Variants in MAP2 observed in about 807,000 individuals in gnomAD.
The protein encoded by MAP2 is microtubule-associated protein 2.
MAP2 carries 14 observed loss-of-function variants against 137.6 expected under a neutral mutation model. The observed-to-expected ratio is 0.10, with a 90% confidence interval of 0.07 to 0.16. MAP2 has a LOEUF of 0.16. Among genes scored for constraint, MAP2 ranks in the 10% least tolerant of loss-of-function variants. The pLI, the probability that MAP2 is intolerant of heterozygous loss-of-function variation, is 1.00. For synonymous variants in MAP2, 786 were observed against 782.3 expected, an observed-to-expected ratio of 1.00 and a Z score of -0.08; for missense variants, 2,088 against 2,191.5, an observed-to-expected ratio of 0.95 and a Z score of 0.94.
chr2:209,689,968 C>T (rs971785420), intron 7 of MAP2, among the ~76,000 whole-genome samples: 2 of 152,148 alleles, frequency 1.3e-5, no homozygotes, highest in South Asian at 2.1e-4. Flanking sequence ...TAGGTAGTCC[C>T]TTACCTTGGA....
At chr2:209,569,933 C>CT (rs1178221561) in intron 2 of MAP2, among the ~76,000 whole-genome samples, 1 of 151,742 alleles carries the variant, frequency 6.6e-6, no homozygotes. Context: ...CAGCAAAGTT[C>CT]TTTAAAAACC....
chr2:209,660,512 G>C (rs1286579763), intron 5 of MAP2, among the ~76,000 whole-genome samples: 2 of 138,982 alleles, frequency 1.4e-5, no homozygotes, highest in East Asian at 4.6e-4. Flanking sequence ...TCCCGCCTCA[G>C]CCTCCCAATA....
intron 13 of MAP2, among the ~76,000 whole-genome samples, chr2:209,723,098 G>A (rs1014903486): frequency 5.9e-5 from 9 of 152,240 alleles, no homozygotes; most frequent in Non-Finnish European, 1.2e-4. Context: ...TTCACCATGT[G>A]TGAGCCCCAT....
intron 1 of MAP2, among the ~76,000 whole-genome samples, chr2:209,495,600 C>T (rs562100514): frequency 3.6e-4 from 55 of 152,336 alleles, no homozygotes; most frequent in Admixed American, 3.5e-3. Context: ...AGGGACCTGA[C>T]TGTCAGAAGG....
intron 10 of MAP2, 151 bp downstream of exon 10, chr2:209,697,202 T>C: frequency 2.9e-6 from 2 of 694,948 alleles, no homozygotes; most frequent in Non-Finnish European, 4.5e-6. Context: ...TGTATCATTA[T>C]TCTTTTTTCC....
intron 1 of MAP2, among the ~76,000 whole-genome samples, chr2:209,471,146 A>G (rs191695310): frequency 6.6e-6 from 1 of 152,196 alleles, no homozygotes; most frequent in East Asian, 1.9e-4. Context: ...TTTACCTCAA[A>G]TACACCATGT....
chr2:209,496,843 T>A (rs1489319054), intron 1 of MAP2, among the ~76,000 whole-genome samples: 1 of 152,142 alleles, frequency 6.6e-6, no homozygotes, highest in African/African-American at 2.4e-5. Flanking sequence ...TTGCCAAGGG[T>A]GGATTTCAGT....
rs769825205 is a variant in MAP2, at chr2:209,695,291, G to T, written c.3121G>T (p.Ala1041Ser). 1 of 1,614,014 alleles carries T rather than the reference G, an allele frequency of 6.2e-7. No homozygotes were observed. Among genetic ancestry groups the T allele is most frequent in the Non-Finnish European group, 8.5e-7 (1 of 1,179,988 alleles). ...AAAGGTGGAACAAGGTCTGGATTTT[G>T]CTGTCCAGGGTCAACTAGATGTTAA... is the stretch of plus-strand genomic sequence containing the variant. ...SKKVEQGLDF[A>S]VQGQLDVKIS... is the part of the protein sequence containing the mutation. The change falls in exon 8 of 16, where the codon GCT (alanine) becomes TCT (serine). Residue 1041 changes from alanine to serine, a missense_variant. Physicochemically the swap from Ala to Ser is moderately conservative, Grantham distance 99. Around this residue, in one of 6 missense-constraint regions of MAP2, gnomAD observed 500 missense variants for 482.9 expected, o/e 1.04. Transcript: ENST00000682079.
At chr2:209,523,861 G>A (rs186417971) in intron 2 of MAP2, among the ~76,000 whole-genome samples, 7 of 152,142 alleles carry the variant, frequency 4.6e-5, no homozygotes, top group East Asian at 1.9e-4. Flanking sequence ...TTTGAAAAGC[G>A]ATGACTAACT....
intron 2 of MAP2, among the ~76,000 whole-genome samples, chr2:209,559,678 G>T (rs1465113091): frequency 4.6e-5 from 7 of 151,622 alleles, no homozygotes; most frequent in Non-Finnish European, 1.0e-4. Context: ...AACCAAATTT[G>T]GCCACTGGGA....
intron 2 of MAP2, among the ~76,000 whole-genome samples, chr2:209,514,953 T>C (rs1364287029): frequency 6.6e-6 from 1 of 152,176 alleles, no homozygotes; most frequent in Admixed American, 6.5e-5. Flanking sequence ...GCCTTCTGAG[T>C]CATTCATGTT....
In MAP2 at chr2:209,595,091, A is replaced by G. The variant is rs140081217; in HGVS notation, c.-107+14991A>G. Among the ~76,000 whole-genome samples the G allele has an allele frequency of 1.1e-3, 161 of 152,306 alleles. No individual in the cohort carries two copies. In the Middle Eastern group the frequency reaches 0.017, roughly 16 times the overall value. On this transcript the variant is annotated intron_variant, in intron 3 of 15. Coordinates refer to ENST00000682079, the MANE Select transcript of MAP2 (RefSeq NM_001375505.1). ...TGGTGGTAGCAGTATTAAAATAAGCAATTGCACATTGGTATATTTTTCACC... is the reference window on the plus strand; with the variant it reads ...TGGTGGTAGCAGTATTAAAATAAGCGATTGCACATTGGTATATTTTTCACC...
chr2:209,535,935 A>G (rs1667392294), intron 2 of MAP2, among the ~76,000 whole-genome samples: 1 of 152,188 alleles, frequency 6.6e-6, no homozygotes, highest in Admixed American at 6.5e-5. Flanking sequence ...ATTGTAGCTT[A>G]CTGAATAATT....
chr2:209,673,559 A>G (rs1220546602), intron 5 of MAP2, among the ~76,000 whole-genome samples: 2 of 151,860 alleles, frequency 1.3e-5, no homozygotes, highest in Non-Finnish European at 2.9e-5. Context: ...AAACTAAAAA[A>G]TGTCCAGTGC....
intron 5 of MAP2, among the ~76,000 whole-genome samples, chr2:209,660,365 A>G (rs944732355): frequency 1.4e-5 from 2 of 145,818 alleles, no homozygotes; most frequent in Non-Finnish European, 3.0e-5. Context: ...ACTCAGTTAT[A>G]TACATTTATT....
chr2:209,730,510 A>C lies in MAP2; in HGVS notation c.*113A>C. 7.7e-5 allele frequency: 55 copies of C among 715,060 alleles called. No individual in the cohort carries two copies. Among genetic ancestry groups the C allele is most frequent in the Middle Eastern group, 3.0e-4 (1 of 3,292 alleles). 44.3% of individuals were successfully genotyped at this position (715,060 alleles called of 1,614,324 possible). Reference sequence around the variant, plus strand: ...TATAAACCATAAAATAAATAATCTCATCCCCAAACTGTAGTAATTGTTACA... The same window carrying C: ...TATAAACCATAAAATAAATAATCTCCTCCCCAAACTGTAGTAATTGTTACA... On this transcript the variant is annotated 3_prime_UTR_variant, in exon 16 of 16. Transcript: ENST00000682079.
At chr2:209,508,077 T>C (rs999416034) in intron 2 of MAP2, among the ~76,000 whole-genome samples, 4 of 152,058 alleles carry the variant, frequency 2.6e-5, no homozygotes, top group African/African-American at 9.7e-5. Context: ...ATTGAAAACG[T>C]ACTTTTCAAT....
intron 2 of MAP2, among the ~76,000 whole-genome samples, chr2:209,528,878 A>G (rs1222310466): frequency 1.4e-5 from 2 of 147,012 alleles, no homozygotes; most frequent in Admixed American, 6.9e-5. Context: ...GTATATGTAT[A>G]TATGTGTGTA....
At chr2:209,542,778 G>T (rs1291041934) in intron 2 of MAP2, among the ~76,000 whole-genome samples, 1 of 152,184 alleles carries the variant, frequency 6.6e-6, no homozygotes, top group Non-Finnish European at 1.5e-5. Context: ...AGGCTTCATA[G>T]AATTGAAAAG....
Sources: allele counts gnomAD v4.1 joint callset (sites outside exome capture counted in the v4.1 genomes callset), GRCh38; gene constraint gnomAD v4.1.1; regional missense constraint gnomAD v4.1.1; transcripts MANE v1.5; gene names NCBI Gene and HGNC (gene_info 2026-07-23, HGNC 2026-07-21).